The following SF3A3 variants were observed in gnomAD, a reference collection of about 807,000 sequenced individuals.
SF3A3 encodes splicing factor 3a subunit 3.
Under a neutral mutation model 85.8 loss-of-function variants are expected in SF3A3, and 9 were observed. That is an observed-to-expected ratio of 0.10 (90% CI 0.06 to 0.18). The LOEUF (loss-of-function observed/expected upper bound fraction) is 0.18, where lower values mean the gene tolerates loss of function less well. Ranked by LOEUF, SF3A3 falls within the 10% of genes least tolerant of loss-of-function variation. The pLI is 1.00. For synonymous variants in SF3A3, 195 were observed against 204.4 expected (o/e 0.95, Z 0.39); for missense variants, 306 against 593.3 (o/e 0.52, Z 5.03).
rs1449955438 is a variant in SF3A3 at position 37,960,319 on chromosome 1, G to A, written c.1373-144C>T. On this transcript the variant is annotated intron_variant, in intron 15 of 16. Transcript: ENST00000373019. ...CTTGCCTACCCCAAACCAGAGTTTT[G>A]GTTCTGGACCACCTATAGACAAAAC... The A allele has an allele frequency of 1.2e-5, 8 of 682,346 alleles. No individual in the cohort carries two copies. In the East Asian group the frequency reaches 2.2e-4, roughly 19 times the overall value. 42.3% of individuals were successfully genotyped at this position (682,346 alleles called of 1,614,324 possible).
chr1:37,976,852 C>T (rs1646382625), intron 12 of SF3A3, 32 bp downstream of exon 12: 3 of 1,361,618 alleles, frequency 2.2e-6, no homozygotes, highest in Non-Finnish European at 3.2e-6. Context: ...GTGCTTTATA[C>T]CATTTTCCAC....
At chr1:37,988,006 G>A (rs1226197698) in intron 2 of SF3A3, among the ~76,000 whole-genome samples, 170 bp from the exon 3 acceptor site, 1 of 152,104 alleles carries the variant, frequency 6.6e-6, no homozygotes, top group African/African-American at 2.4e-5. Flanking sequence ...CTGATTCCTG[G>A]TTAGTTTTTT....
At chr1:37,983,047 TC>T (rs1291464774) in intron 6 of SF3A3, among the ~76,000 whole-genome samples, 1 of 151,858 alleles carries the variant, frequency 6.6e-6, no homozygotes, top group Non-Finnish European at 1.5e-5. Context: ...CAAGCGATTC[TC>T]CTGCCTCAGC....
chr1:37,984,232 T>C lies in SF3A3; in HGVS notation c.405A>G (p.Gly135=). The change falls in exon 6 of 17, where the codon GGA becomes GGG. Residue 135 remains glycine (G), a synonymous_variant. Coordinates refer to ENST00000373019, the MANE Select transcript of SF3A3 (RefSeq NM_006802.4). ...CATGGAGATCGAGATAACGACCATA[T>C]CCCTCTTCATCTGTGAACTCCACCA... The part of the protein sequence containing the change: ...QNLVEFTDEE[G]YGRYLDLHDC... The C allele has an allele frequency of 6.2e-7, 1 of 1,606,966 alleles. No homozygotes were observed. The highest frequency in any genetic ancestry group is 8.5e-7 in the Non-Finnish European group (1 of 1,174,542).
intron 12 of SF3A3, among the ~76,000 whole-genome samples, chr1:37,974,137 G>A (rs1237720492): frequency 1.3e-5 from 2 of 151,814 alleles, no homozygotes; most frequent in South Asian, 4.2e-4. Flanking sequence ...TGTAAATGAC[G>A]AGTTAACGGG....
chr1:37,982,119 T>C (rs1557754437), intron 6 of SF3A3, among the ~76,000 whole-genome samples: 1 of 152,122 alleles, frequency 6.6e-6, no homozygotes, highest in Non-Finnish European at 1.5e-5. Context: ...TTAAAGACTC[T>C]GACACCCTAA....
At chr1:37,989,298 G>C (rs781190186) in intron 2 of SF3A3, among the ~76,000 whole-genome samples, 4 of 141,986 alleles carry the variant, frequency 2.8e-5, no homozygotes, top group Non-Finnish European at 4.5e-5. Flanking sequence ...CCGTCCAAAA[G>C]AAGAAGAAGA....
chr1:37,971,705 C>G (rs567465776), intron 12 of SF3A3, among the ~76,000 whole-genome samples: 20 of 152,250 alleles, frequency 1.3e-4, no homozygotes, highest in African/African-American at 4.6e-4. Flanking sequence ...GTTCAACATA[C>G]GCAAATCAAT....
In SF3A3 at chr1:37,986,761, G is replaced by A. The variant is rs1361598951; in HGVS notation, c.303+812C>T. 1.6e-4 allele frequency among the ~76,000 whole-genome samples: 19 copies of A among 120,778 alleles called. No homozygotes were observed. The Admixed American group carries it at 1.7e-3, about 11-fold the overall frequency. 79.2% of individuals were successfully genotyped at this position (120,778 alleles called of 152,430 possible). A position where few individuals can be genotyped will look rare whatever the true frequency, so the allele number is the denominator to read the frequency against. On this transcript the variant is annotated intron_variant, in intron 4 of 16. Transcript: ENST00000373019. Reference sequence around the variant, plus strand: ...CGGGAGGTGGAGCTTGCAGTGAGCCGAGATCATGCCACTGCACTCCAGCCT... The same window carrying A: ...CGGGAGGTGGAGCTTGCAGTGAGCCAAGATCATGCCACTGCACTCCAGCCT...
At chr1:37,961,960 C>T (rs1169522411) in intron 15 of SF3A3, among the ~76,000 whole-genome samples, 2 of 151,042 alleles carry the variant, frequency 1.3e-5, no homozygotes, top group African/African-American at 2.4e-5. Flanking sequence ...TGGTGCATGC[C>T]TGTAATCCCT....
intron 12 of SF3A3, among the ~76,000 whole-genome samples, chr1:37,975,974 G>A (rs1236742517): frequency 6.6e-6 from 1 of 152,112 alleles, no homozygotes; most frequent in Non-Finnish European, 1.5e-5. Flanking sequence ...GACCAATATG[G>A]TGAAACCCTG....
intron 16 of SF3A3, among the ~76,000 whole-genome samples, 188 bp downstream of exon 16, chr1:37,959,932 C>T (rs542149173): frequency 2.2e-4 from 33 of 147,640 alleles, no homozygotes; most frequent in South Asian, 4.4e-4. Context: ...CACTCCAGCC[C>T]GGGCAACAGT....
chr1:37,979,154 A>C, intron 9 of SF3A3, 99 bp from the exon 10 acceptor site: 2 of 934,798 alleles, frequency 2.1e-6, no homozygotes, highest in South Asian at 2.7e-5. Context: ...CTGTGGCAGG[A>C]CCACACATTT....
At chr1:37,975,400 C>T (rs1188770055) in intron 12 of SF3A3, among the ~76,000 whole-genome samples, 1 of 152,094 alleles carries the variant, frequency 6.6e-6, no homozygotes, top group African/African-American at 2.4e-5. Flanking sequence ...CCTGTAGTCC[C>T]AGCTACCAGG....
At chr1:37,974,382 A>C (rs1646365367) in intron 12 of SF3A3, among the ~76,000 whole-genome samples, 2 of 140,762 alleles carry the variant, frequency 1.4e-5, no homozygotes. Flanking sequence ...GGCTCACTGC[A>C]ACCTCTGCCT....
At chr1:37,971,181 C>T (rs191303115) in intron 12 of SF3A3, among the ~76,000 whole-genome samples, 197 of 152,216 alleles carry the variant, frequency 1.3e-3, no homozygotes, top group African/African-American at 4.5e-3. Context: ...GATATCAACA[C>T]CGATCCCACA....
chr1:37,958,129 A>G lies in SF3A3; in HGVS notation c.*57T>C, dbSNP rs954632015. 1 of 1,141,170 alleles carries G rather than the reference A, an allele frequency of 8.8e-7. No individual in the cohort carries two copies. Among genetic ancestry groups the G allele is most frequent in the African/African-American group, 1.5e-5 (1 of 65,300 alleles). The allele number at this position is 1,141,170 out of a possible 1,614,324, so 70.7% of individuals were successfully genotyped here. A position where few individuals can be genotyped will look rare whatever the true frequency, so the allele number is the denominator to read the frequency against. On this transcript the variant is annotated 3_prime_UTR_variant, in exon 17 of 17. Transcript: ENST00000373019. Reference sequence around the variant, plus strand: ...GAGGATTTGGTTGGGAGAAATAGAAAAAGCAGATCTTAGGGAAGCCTGGGC... The same window carrying G: ...GAGGATTTGGTTGGGAGAAATAGAAGAAGCAGATCTTAGGGAAGCCTGGGC...
chr1:37,973,928 G>T (rs1473032615), intron 12 of SF3A3, among the ~76,000 whole-genome samples: 2 of 152,190 alleles, frequency 1.3e-5, no homozygotes, highest in Non-Finnish European at 2.9e-5. Flanking sequence ...CGTGTCCTTT[G>T]TAGGGACATG....
At position 37,968,102 on chromosome 1, in the gene SF3A3, C is replaced by T. The variant is rs1646315453; in HGVS notation, c.1314G>A (p.Leu438=). 6.2e-7 allele frequency: 1 copy of T among 1,612,860 alleles called. No homozygotes were observed. The highest frequency in any genetic ancestry group is 8.5e-7 in the Non-Finnish European group (1 of 1,178,952). Residue 438 remains leucine, a synonymous_variant, in exon 15 of 17, where the codon TTG becomes TTA. Coordinates refer to ENST00000373019, the MANE Select transcript of SF3A3 (RefSeq NM_006802.4). ...CAAAGTGAGCAGTGTTTGGGATGCCCAAACACCTCATGCCATGAGCATGAC... is the reference window on the plus strand; with the variant it reads ...CAAAGTGAGCAGTGTTTGGGATGCCTAAACACCTCATGCCATGAGCATGAC... The part of the protein sequence containing the change: ...EWRHAHGMRC[L]GIPNTAHFAN...
Sources: gnomAD v4.1 joint callset for allele counts (sites outside exome capture counted in the v4.1 genomes callset) on GRCh38, gnomAD v4.1.1 for gene constraint, MANE v1.5 for transcripts, NCBI Gene and HGNC (gene_info 2026-07-23, HGNC 2026-07-21) for gene names.